NUP155: variants seen among roughly 807,000 people sequenced by gnomAD.
NUP155 encodes nuclear pore complex protein Nup155.
Under a neutral mutation model 180.4 loss-of-function variants are expected in NUP155, and 71 were observed. The ratio of observed to expected loss-of-function variants is 0.39; its 90% CI spans 0.33 to 0.48. The LOEUF is 0.48. NUP155 is among the 20% of genes least tolerant of loss of function. The pLI, the probability that NUP155 is intolerant of heterozygous loss-of-function variation, is 0.91. For missense variants in NUP155, 1,553 were observed against 1,648.9 expected, an observed-to-expected ratio of 0.94 and a Z score of 1.01; for synonymous variants, 582 against 559.5, an observed-to-expected ratio of 1.04 and a Z score of -0.57.
chr5:37,364,644 T>TATTTTA lies in NUP155; in HGVS notation c.158-261_158-260insTAAAAT, dbSNP rs70978804. ...AGGAAATGTTTATTTTATTTTATTT[T>TATTTTA]TTTTTTTTTTGAGATAGAGTCTCGC... On this transcript the variant is annotated intron_variant, in intron 1 of 34. Transcript: ENST00000231498. Among the ~76,000 whole-genome samples, 4 of 150,458 alleles carry TATTTTA rather than the reference T, an allele frequency of 2.7e-5. 1 individual carries two copies. Among genetic ancestry groups the TATTTTA allele is most frequent in the South Asian group, 4.2e-4 (2 of 4,784 alleles).
chr5:37,346,021 T>C (rs1363599703), intron 9 of NUP155, among the ~76,000 whole-genome samples: 2 of 152,112 alleles, frequency 1.3e-5, no homozygotes, highest in Non-Finnish European at 2.9e-5. Flanking sequence ...GAAAATTATG[T>C]GTTTTCAATT....
chr5:37,322,765 G>T (rs1744332400), intron 20 of NUP155, among the ~76,000 whole-genome samples: 1 of 149,916 alleles, frequency 6.7e-6, no homozygotes, highest in Non-Finnish European at 1.5e-5. Context: ...AGGTGGTCAG[G>T]AGTTTGAGAC....
chr5:37,306,257 G>T (rs532220798), intron 25 of NUP155, among the ~76,000 whole-genome samples: 1 of 151,774 alleles, frequency 6.6e-6, no homozygotes, highest in African/African-American at 2.4e-5. Context: ...AAAATTAGCC[G>T]AGTGTGGTGA....
rs770664943 is a variant in NUP155 at position 37,333,640 on chromosome 5, A to G, written c.1348-7T>C. On this transcript the variant is annotated splice_polypyrimidine_tract_variant and splice_region_variant and intron_variant, in intron 12 of 34. Transcript: ENST00000231498. Reference sequence around the variant, plus strand: ...CATCAACACCAGCTGTCATCTATGTAAAAGAAATAAATGTTTTATACATCA... The same window carrying G: ...CATCAACACCAGCTGTCATCTATGTGAAAGAAATAAATGTTTTATACATCA... 1 of 1,609,948 alleles carries G rather than the reference A, an allele frequency of 6.2e-7. No individual in the cohort carries two copies. The highest frequency in any genetic ancestry group is 8.5e-7 in the Non-Finnish European group (1 of 1,177,062).
At chr5:37,329,853 G>A (rs1031579007) in intron 15 of NUP155, among the ~76,000 whole-genome samples, 185 bp downstream of exon 15, 1 of 152,136 alleles carries the variant, frequency 6.6e-6, no homozygotes, top group Non-Finnish European at 1.5e-5. Flanking sequence ...CATAAACTAT[G>A]CTAATTTACT....
chr5:37,368,228 T>G (rs1747732325), intron 1 of NUP155, among the ~76,000 whole-genome samples: 1 of 127,592 alleles, frequency 7.8e-6, no homozygotes, highest in Non-Finnish European at 1.7e-5. Context: ...TTTTTTTTTT[T>G]TTTTTTTTTG....
In NUP155 at chr5:37,307,444, G is replaced by A. The variant is rs747371964; in HGVS notation, c.2768-12C>T. 1.9e-6 allele frequency: 3 copies of A among 1,613,580 alleles called. No homozygotes were observed. Among genetic ancestry groups the A allele is most frequent in the Non-Finnish European group, 2.5e-6 (3 of 1,179,730 alleles). Reference sequence around the variant, plus strand: ...CTCATAAAATCTCACTGATGGGAAAGAAAAGAATGAAGACCTATGACTTAC... The same window carrying A: ...CTCATAAAATCTCACTGATGGGAAAAAAAAGAATGAAGACCTATGACTTAC... On this transcript the variant is annotated splice_polypyrimidine_tract_variant and intron_variant, in intron 24 of 34. Coordinates refer to ENST00000231498, the MANE Select transcript of NUP155 (RefSeq NM_153485.3).
intron 33 of NUP155, 70 bp from the exon 34 acceptor site, chr5:37,293,055 A>G (rs1742319590): frequency 9.6e-6 from 10 of 1,046,780 alleles, no homozygotes; most frequent in Non-Finnish European, 1.2e-5. Context: ...CATTTATACT[A>G]AAGTAGACAT....
chr5:37,302,655 G>A lies in NUP155; in HGVS notation c.3447+124C>T, dbSNP rs1020926480. ...CTAAACATAAAAATAAATATAAACA[G>A]ACAAAAGCAACTAGAATAATAATGA... On this transcript the variant is annotated intron_variant, in intron 29 of 34. Transcript: ENST00000231498. 23 of 971,584 alleles carry A rather than the reference G, an allele frequency of 2.4e-5. No individual in the cohort carries two copies. In the Admixed American group the frequency reaches 3.1e-4, roughly 13 times the overall value. 60.2% of individuals were successfully genotyped at this position (971,584 alleles called of 1,614,324 possible). A position where few individuals can be genotyped will look rare whatever the true frequency, so the allele number is the denominator to read the frequency against.
At position 37,303,272 on chromosome 5, in the gene NUP155, G is replaced by T; in HGVS notation, c.3305C>A (p.Ala1102Asp). Residue 1102 changes from alanine to aspartate, a missense_variant, in exon 28 of 35, where the codon GCT becomes GAT. Coordinates refer to ENST00000231498, the MANE Select transcript of NUP155 (RefSeq NM_153485.3). Reference sequence around the variant, plus strand: ...TATTATGCCATACCTATGCATGTCAGCCAGTCTGGACAGTACACGAGCAGC... The same window carrying T: ...TATTATGCCATACCTATGCATGTCATCCAGTCTGGACAGTACACGAGCAGC... Reference protein sequence around the residue: ...SNAARVLSRLADMHSTEISLQ... With the variant: ...SNAARVLSRLDDMHSTEISLQ... The T allele has an allele frequency of 6.2e-7, 1 of 1,614,070 alleles. No individual in the cohort carries two copies. Among genetic ancestry groups the T allele is most frequent in the Non-Finnish European group, 8.5e-7 (1 of 1,179,996 alleles).
chr5:37,307,383 T>C lies in NUP155; in HGVS notation c.2817A>G (p.Lys939=), dbSNP rs763615556. 8.7e-6 allele frequency: 14 copies of C among 1,613,966 alleles called. No homozygotes were observed. The highest frequency in any genetic ancestry group is 3.3e-4 in the Middle Eastern group (2 of 6,084). The part of the protein sequence containing the change: ...VVELSLTAAE[K]KDPQGLGLHF... ...GAAGCCCAAGACCTTGAGGATCTTT[T>C]TTCTCTGCAGCCGTAAGAGAAAGTT... The change falls in exon 25 of 35, where the codon AAA becomes AAG. Residue 939 remains lysine (K), a synonymous_variant. Transcript: ENST00000231498.
chr5:37,355,580 TG>T, intron 4 of NUP155, among the ~76,000 whole-genome samples: 1 of 151,192 alleles, frequency 6.6e-6, no homozygotes. Flanking sequence ...TTTGTTTGTT[TG>T]TTTGTTTGTT....
chr5:37,313,249 G>A (rs1220914235), intron 22 of NUP155, among the ~76,000 whole-genome samples: 1 of 151,762 alleles, frequency 6.6e-6, no homozygotes, highest in South Asian at 2.1e-4. Flanking sequence ...TGGGCAACAC[G>A]GTGAAACCCC....
At chr5:37,337,344 G>A (rs1025046533) in intron 12 of NUP155, among the ~76,000 whole-genome samples, 8 of 151,848 alleles carry the variant, frequency 5.3e-5, no homozygotes, top group African/African-American at 1.9e-4. Context: ...AGGTTCAATT[G>A]ACTCTTCAAA....
chr5:37,362,863 T>C (rs769386289), intron 3 of NUP155, among the ~76,000 whole-genome samples: 2 of 152,182 alleles, frequency 1.3e-5, no homozygotes, highest in Non-Finnish European at 2.9e-5. Context: ...GTTTAAGCTA[T>C]AGGTGTTAAG....
rs1435523326 is a variant in NUP155, at chr5:37,370,549, C to T, written c.157+272G>A. 9.2e-6 allele frequency: 8 copies of T among 867,420 alleles called. No individual in the cohort carries two copies. In the East Asian group the frequency reaches 2.3e-4, roughly 25 times the overall value. The allele number at this position is 867,420 out of a possible 1,614,324, so 53.7% of individuals were successfully genotyped here. A position where few individuals can be genotyped will look rare whatever the true frequency, so the allele number is the denominator to read the frequency against. On this transcript the variant is annotated intron_variant, in intron 1 of 34. Transcript: ENST00000231498. ...GGCCTTAGCCATAAGCACTTGAGAG[C>T]GGCGAGAAGCTCATTAAGGTTGAGG...
At chr5:37,365,520 A>C (rs1747503939) in intron 1 of NUP155, among the ~76,000 whole-genome samples, 2 of 151,610 alleles carry the variant, frequency 1.3e-5, no homozygotes, top group Middle Eastern at 3.4e-3. Context: ...AGCCTGGCCA[A>C]AATGGTGAAA....
In NUP155 at chr5:37,288,325, C is replaced by T. The variant is rs1165314938; in HGVS notation, c.*3575G>A. ...GGAGGAAAAATGACAGGAATGGAGA[C>T]TACCCTGAGGAATACTTTTGAGATC... is the stretch of plus-strand genomic sequence containing the variant. On this transcript the variant is annotated 3_prime_UTR_variant, in exon 35 of 35. Transcript: ENST00000231498. The T allele has an allele frequency of 1.3e-5, 2 of 152,122 alleles. No homozygotes were observed. Among genetic ancestry groups the T allele is most frequent in the African/African-American group, 4.8e-5 (2 of 41,410 alleles). 9.4% of individuals were successfully genotyped at this position (152,122 alleles called of 1,614,324 possible).
Position 37,363,880 on chromosome 5 carries a change from A to G in NUP155, c.392+8T>C. ...CACCCTTAAAGCAAACCAGCCTTAA[A>G]TACATACCCATCCTCATAGTTCCAC... On this transcript the variant is annotated splice_region_variant and intron_variant, in intron 3 of 34. Coordinates refer to ENST00000231498, the MANE Select transcript of NUP155 (RefSeq NM_153485.3). 1 of 1,588,030 alleles carries G rather than the reference A, an allele frequency of 6.3e-7. No homozygotes were observed. Among genetic ancestry groups the G allele is most frequent in the Non-Finnish European group, 8.6e-7 (1 of 1,156,248 alleles).
Sources: allele counts gnomAD v4.1 joint callset (sites outside exome capture counted in the v4.1 genomes callset), GRCh38; gene constraint gnomAD v4.1.1; transcripts MANE v1.5; gene names NCBI Gene and HGNC (gene_info 2026-07-23, HGNC 2026-07-21).